The following LTBP2 variants were observed in gnomAD, a reference collection of about 807,000 sequenced individuals.
LTBP2 encodes the protein latent transforming growth factor beta binding protein 2.
LTBP2 carries 103 observed loss-of-function variants against 210.6 expected under a neutral mutation model. The ratio of observed to expected loss-of-function variants is 0.49; its 90% confidence interval spans 0.42 to 0.58. The LOEUF (loss-of-function observed/expected upper bound fraction) is 0.58, where lower values mean the gene tolerates loss of function less well. Ranked by LOEUF, LTBP2 falls within the 20% of genes least tolerant of loss-of-function variation. The pLI is 0.00. For synonymous variants in LTBP2, 1,007 were observed against 1,015.0 expected (o/e 0.99, Z 0.15); for missense variants, 2,313 against 2,494.5 (o/e 0.93, Z 1.55).
At chr14:74,569,080 C>T (rs1353473938) in intron 3 of LTBP2, among the ~76,000 whole-genome samples, 1 of 151,378 alleles carries the variant, frequency 6.6e-6, no homozygotes, top group Non-Finnish European at 1.5e-5. Context: ...GCATGTCAAA[C>T]CGCTGGATGT....
chr14:74,608,057 A>G (rs1258531857), intron 1 of LTBP2, among the ~76,000 whole-genome samples: 1 of 151,490 alleles, frequency 6.6e-6, no homozygotes, highest in Non-Finnish European at 1.5e-5. Context: ...AGTAGCTGGG[A>G]CTACAGGCGC....
intron 3 of LTBP2, among the ~76,000 whole-genome samples, chr14:74,572,682 G>GA (rs1201760597): frequency 4.6e-5 from 7 of 152,048 alleles, no homozygotes; most frequent in African/African-American, 7.2e-5. Context: ...CACGGAGCCT[G>GA]AAAAAATCTC....
At chr14:74,575,164 G>C (rs1420254870) in intron 3 of LTBP2, among the ~76,000 whole-genome samples, 3 of 152,216 alleles carry the variant, frequency 2.0e-5, no homozygotes, top group Admixed American at 6.5e-5. Context: ...CATCTGCCCA[G>C]AGCTGGAGTC....
chr14:74,530,739 T>A (rs1010712852), intron 10 of LTBP2, among the ~76,000 whole-genome samples: 2 of 152,164 alleles, frequency 1.3e-5, no homozygotes, highest in Non-Finnish European at 2.9e-5. Context: ...GGTTTTAAAC[T>A]CCTGAACTCA....
chr14:74,551,428 AC>A (rs2087655699), intron 6 of LTBP2, 78 bp from the exon 7 acceptor site: 1 of 1,387,600 alleles, frequency 7.2e-7, no homozygotes, highest in African/African-American at 1.5e-5. Flanking sequence ...GGTATCCACC[AC>A]CCCTGGGCCA....
At chr14:74,564,668 CCA>C (rs111925011) in intron 3 of LTBP2, among the ~76,000 whole-genome samples, 56 of 151,852 alleles carry the variant, frequency 3.7e-4, no homozygotes, top group African/African-American at 1.3e-3. Flanking sequence ...CAGGTGTGAG[CCA>C]CCAGGCCCAG....
chr14:74,582,982 C>T (rs1442522442), intron 3 of LTBP2, among the ~76,000 whole-genome samples: 1 of 152,240 alleles, frequency 6.6e-6, no homozygotes, highest in African/African-American at 2.4e-5. Flanking sequence ...GTACTCTGCC[C>T]AGCCTTGGGG....
intron 15 of LTBP2, 53 bp downstream of exon 15, chr14:74,525,071 A>G: frequency 9.5e-7 from 1 of 1,054,778 alleles, no homozygotes; most frequent in Non-Finnish European, 1.3e-6. Context: ...CTCTGGACAG[A>G]CACAGCTCAC....
In LTBP2 at chr14:74,498,539, A is replaced by AT. The variant is rs1342104335; in HGVS notation, c.*2344_*2345insA. 1.3e-5 allele frequency: 3 copies of AT among 226,036 alleles called. No individual in the cohort carries two copies. 14.0% of individuals were successfully genotyped at this position (226,036 alleles called of 1,614,324 possible). ...GCTCTAATTGCAAGTATAAAAAAAAAGCAAAGTGCAGAACAGCATGCATAG... is the reference window on the plus strand; with the variant it reads ...GCTCTAATTGCAAGTATAAAAAAAAATGCAAAGTGCAGAACAGCATGCATAG... On this transcript the variant is annotated 3_prime_UTR_variant, in exon 36 of 36. Coordinates refer to ENST00000261978, the MANE Select transcript of LTBP2 (RefSeq NM_000428.3).
At chr14:74,588,885 T>C (rs1199185628) in intron 2 of LTBP2, among the ~76,000 whole-genome samples, 1 of 152,200 alleles carries the variant, frequency 6.6e-6, no homozygotes, top group Non-Finnish European at 1.5e-5. Context: ...TCTATGTGAC[T>C]GAGAAGCCCA....
At chr14:74,600,092 G>T (rs545191123) in intron 2 of LTBP2, among the ~76,000 whole-genome samples, 1 of 152,324 alleles carries the variant, frequency 6.6e-6, no homozygotes, top group African/African-American at 2.4e-5. Flanking sequence ...AGCTGACGGG[G>T]TGTGGAGCCA....
At chr14:74,533,415 T>C (rs1451260721) in intron 9 of LTBP2, among the ~76,000 whole-genome samples, 2 of 151,810 alleles carry the variant, frequency 1.3e-5, no homozygotes, top group Non-Finnish European at 2.9e-5. Context: ...GGTTGGAAGG[T>C]GGAGAAGGGG....
At chr14:74,514,214 T>A (rs987785124) in intron 18 of LTBP2, among the ~76,000 whole-genome samples, 2 of 152,224 alleles carry the variant, frequency 1.3e-5, no homozygotes, top group Admixed American at 6.5e-5. Flanking sequence ...TGAATGTTAA[T>A]CTGAGATTAC....
rs2139683396 is a variant in LTBP2 at position 74,500,155 on chromosome 14, G to C, written c.*729C>G. On this transcript the variant is annotated 3_prime_UTR_variant, in exon 36 of 36. Coordinates refer to ENST00000261978, the MANE Select transcript of LTBP2 (RefSeq NM_000428.3). Reference sequence around the variant, plus strand: ...TTTTCTTTAGACGTATAAAGCCTTGGCTCCCCTTTCTCATCAACTCCACGT... The same window carrying C: ...TTTTCTTTAGACGTATAAAGCCTTGCCTCCCCTTTCTCATCAACTCCACGT... 2 of 234,596 alleles carry C rather than the reference G, an allele frequency of 8.5e-6. No homozygotes were observed. Among genetic ancestry groups the C allele is most frequent in the Non-Finnish European group, 1.7e-5 (2 of 119,060 alleles). 14.5% of individuals were successfully genotyped at this position (234,596 alleles called of 1,614,324 possible). A position where few individuals can be genotyped will look rare whatever the true frequency, so the allele number is the denominator to read the frequency against.
At chr14:74,519,749 G>T (rs1426095109) in intron 17 of LTBP2, among the ~76,000 whole-genome samples, 1 of 152,116 alleles carries the variant, frequency 6.6e-6, no homozygotes, top group Non-Finnish European at 1.5e-5. Context: ...GGACACCCAG[G>T]CTGGCACGGT....
At position 74,509,750 on chromosome 14, in the gene LTBP2, G is replaced by A. The variant is rs139921455; in HGVS notation, c.3261C>T (p.Asp1087=). Residue 1087 remains aspartate (D), a synonymous_variant, in exon 21 of 36, where the codon GAC becomes GAT. Coordinates refer to ENST00000261978, the MANE Select transcript of LTBP2 (RefSeq NM_000428.3). ...CAGGGTTACCTTCACAGGCAGTGCC[G>A]TCTTCATTCACCCAGTACCCGTTCT... ...ACENGYWVNE[D]GTACEDLDEC... The A allele has an allele frequency of 4.9e-5, 79 of 1,613,910 alleles. No individual in the cohort carries two copies. Among genetic ancestry groups the A allele is most frequent in the Admixed American group, 6.7e-5 (4 of 59,998 alleles).
intron 2 of LTBP2, among the ~76,000 whole-genome samples, chr14:74,596,842 C>T (rs541612620): frequency 7.9e-5 from 12 of 152,154 alleles, no homozygotes; most frequent in African/African-American, 2.9e-4. Flanking sequence ...GGAGTTAGCT[C>T]AGAGGAAGGG....
intron 3 of LTBP2, among the ~76,000 whole-genome samples, chr14:74,563,526 T>C (rs1212104726): frequency 6.6e-6 from 1 of 152,142 alleles, no homozygotes; most frequent in African/African-American, 2.4e-5. Context: ...CTTTCCAAGA[T>C]ACACTGAAAA....
chr14:74,606,071 A>G (rs1233800368), intron 1 of LTBP2, among the ~76,000 whole-genome samples: 3 of 152,100 alleles, frequency 2.0e-5, no homozygotes, highest in Non-Finnish European at 4.4e-5. Flanking sequence ...GGGATATATA[A>G]TTCAATCACT....
Sources: gnomAD v4.1 joint callset for allele counts (sites outside exome capture counted in the v4.1 genomes callset) on GRCh38, gnomAD v4.1.1 for gene constraint, MANE v1.5 for transcripts, NCBI Gene and HGNC (gene_info 2026-07-23, HGNC 2026-07-21) for gene names.